The following CEP162 variants were observed in gnomAD, a reference collection of about 807,000 sequenced individuals.
CEP162 encodes the protein centrosomal protein of 162 kDa.
CEP162 carries 141 observed loss-of-function variants against 169.2 expected under a neutral mutation model. That is an observed-to-expected ratio of 0.83 (90% confidence interval 0.73 to 0.96). The LOEUF is 0.96. CEP162 is among the 40% of genes least tolerant of loss of function. CEP162 has a pLI of 0.00. For synonymous variants in CEP162, 540 were observed against 526.4 expected, an observed-to-expected ratio of 1.03 and a Z score of -0.35; for missense variants, 1,600 against 1,587.2, an observed-to-expected ratio of 1.01 and a Z score of -0.14.
In CEP162 at chr6:84,213,012, GT is replaced by G; in HGVS notation, c.515del (p.Asn172ThrfsTer4). On this transcript the variant is annotated frameshift_variant, in exon 6 of 27. Transcript: ENST00000403245. LOFTEE classifies it high-confidence loss of function. ...CATGTTCGTCATCAGTTAGTTCTGC[GT>G]TGGCTTGATTACTGGAAAAAATATT... ...HFKALHSNQANAELTDDEHEN... is the reference protein window; with the variant it reads ...HFKALHSNQAXAELTDDEHEN... 6.5e-7 allele frequency: 1 copy of G among 1,543,888 alleles called. No individual in the cohort carries two copies. The highest frequency in any genetic ancestry group is 8.8e-7 in the Non-Finnish European group (1 of 1,139,746).
Position 84,174,957 on chromosome 6 carries a change from T to G in CEP162, c.1798-3A>C, listed in dbSNP as rs779844543. The stretch of plus-strand genomic sequence containing the variant: ...TCACCACAGTATCCTAAGGAATCCT[T>G]TCAAGACAAAGCATTACTTCATTAC... On this transcript the variant is annotated splice_polypyrimidine_tract_variant and splice_region_variant and intron_variant, in intron 14 of 26. Coordinates refer to ENST00000403245, the MANE Select transcript of CEP162 (RefSeq NM_014895.4). The G allele has an allele frequency of 2.6e-5, 41 of 1,571,654 alleles. No individual in the cohort carries two copies. The South Asian group carries it at 4.7e-4, about 18-fold the overall frequency.
At chr6:84,151,552 CAA>C (rs942750777) in intron 23 of CEP162, among the ~76,000 whole-genome samples, 15 of 151,984 alleles carry the variant, frequency 9.9e-5, no homozygotes, top group African/African-American at 3.6e-4. Flanking sequence ...GCAAAGAGAA[CAA>C]GACTTTAAAA....
At chr6:84,179,732 A>G (rs2099533949) in intron 13 of CEP162, among the ~76,000 whole-genome samples, 1 of 152,188 alleles carries the variant, frequency 6.6e-6, no homozygotes, top group South Asian at 2.1e-4. Flanking sequence ...CAAATAAACT[A>G]GAAAATCTAG....
At chr6:84,215,974 G>A in intron 3 of CEP162, 52 bp from the exon 4 acceptor site, 1 of 1,465,610 alleles carries the variant, frequency 6.8e-7, no homozygotes, top group Non-Finnish European at 9.0e-7. Flanking sequence ...GAATTGTTTT[G>A]GCCACTATGA....
chr6:84,172,739 T>G (rs751916914), intron 16 of CEP162, among the ~76,000 whole-genome samples: 2 of 152,304 alleles, frequency 1.3e-5, no homozygotes, highest in Non-Finnish European at 2.9e-5. Context: ...ATTGTAATCA[T>G]TGATGGGGCA....
chr6:84,146,726 G>T lies in CEP162; in HGVS notation c.3831C>A (p.Leu1277=). 1.3e-6 allele frequency: 2 copies of T among 1,581,516 alleles called. No homozygotes were observed. Among genetic ancestry groups the T allele is most frequent in the Non-Finnish European group, 1.7e-6 (2 of 1,162,910 alleles). Residue 1277 remains leucine (L), a synonymous_variant, in exon 25 of 27, where the codon CTC becomes CTA. Coordinates refer to ENST00000403245, the MANE Select transcript of CEP162 (RefSeq NM_014895.4). ...TTTCTTCTCGAACTTCAGAAACTAC[G>T]AGAGACTCTTGTTTACTCTGCAGCT... ...VNELQSKQES[L]VVSEVREEIL...
intron 11 of CEP162, among the ~76,000 whole-genome samples, chr6:84,192,362 A>G (rs375080998): frequency 1.1e-4 from 16 of 152,380 alleles, no homozygotes; most frequent in African/African-American, 3.6e-4. Flanking sequence ...GGTTTTACCT[A>G]TAACAACAAA....
At chr6:84,172,625 C>G (rs954353812) in intron 16 of CEP162, among the ~76,000 whole-genome samples, 1 of 152,110 alleles carries the variant, frequency 6.6e-6, no homozygotes, top group African/African-American at 2.4e-5. Context: ...TTAAAAACCT[C>G]TGTTTTTTAA....
rs187394438 is a variant in CEP162 at position 84,129,482 on chromosome 6, T to A, written c.3871-2970A>T. On this transcript the variant is annotated intron_variant, in intron 25 of 26. Coordinates refer to ENST00000403245, the MANE Select transcript of CEP162 (RefSeq NM_014895.4). The stretch of plus-strand genomic sequence containing the variant: ...TATGTTTGTTGACTGCATAAATGTC[T>A]TCTTTTGAAAAGTGTCTGTCCATAT... 1.0e-3 allele frequency among the ~76,000 whole-genome samples: 156 copies of A among 152,370 alleles called. 1 individual carries two copies. The highest frequency in any genetic ancestry group is 3.7e-3 in the African/African-American group (152 of 41,586).
chr6:84,165,539 A>G (rs2099527484), intron 18 of CEP162, among the ~76,000 whole-genome samples: 1 of 152,154 alleles, frequency 6.6e-6, no homozygotes, highest in Admixed American at 6.6e-5. Context: ...TTCCTATGAC[A>G]CTGATTCATG....
intron 11 of CEP162, among the ~76,000 whole-genome samples, chr6:84,192,213 A>G (rs77818866): frequency 0.038 from 5,769 of 152,286 alleles, 165 homozygotes; most frequent in Admixed American, 0.092. Flanking sequence ...GTTTACCAAA[A>G]AATTTTTAGG....
chr6:84,146,636 G>T (rs1235832270), intron 25 of CEP162, 51 bp downstream of exon 25: 3 of 787,364 alleles, frequency 3.8e-6, no homozygotes, highest in Non-Finnish European at 6.1e-6. Context: ...GAATATGATT[G>T]AAATGCCTAA....
chr6:84,215,876 A>G lies in CEP162; in HGVS notation c.219T>C (p.Ser73=), dbSNP rs1222820874. The part of the protein sequence containing the change: ...NVSYLKTKKT[S]QPVMEIEEES... ...CCTCTTCTATTTCCATAACAGGCTG[A>G]GAAGTCTTCTTTGTTTTCAAATAGC... The change falls in exon 4 of 27, where the codon TCT becomes TCC. Residue 73 remains serine, a synonymous_variant. Transcript: ENST00000403245. The G allele has an allele frequency of 6.3e-7, 1 of 1,579,588 alleles. No individual in the cohort carries two copies. Among genetic ancestry groups the G allele is most frequent in the South Asian group, 1.2e-5 (1 of 86,336 alleles).
rs750414250 is a variant in CEP162, at chr6:84,194,834, T to C, written c.1027+50A>G. 4.7e-6 allele frequency: 6 copies of C among 1,289,728 alleles called. No individual in the cohort carries two copies. The Admixed American group carries it at 1.3e-4, about 27-fold the overall frequency. The allele number at this position is 1,289,728 out of a possible 1,614,324, so 79.9% of individuals were successfully genotyped here. ...ATTTTAATTATATTACACTAAAAAC[T>C]CTTTAGAAAGGATATCAAATAATTG... is the stretch of plus-strand genomic sequence containing the variant. On this transcript the variant is annotated intron_variant, in intron 10 of 26. Coordinates refer to ENST00000403245, the MANE Select transcript of CEP162 (RefSeq NM_014895.4).
intron 6 of CEP162, among the ~76,000 whole-genome samples, chr6:84,205,283 AT>A (rs2099546384): frequency 6.6e-6 from 1 of 152,250 alleles, no homozygotes. Flanking sequence ...AAAAAAGAGA[AT>A]TTTAGACCAA....
rs1414649545 is a variant in CEP162, at chr6:84,226,366, C to A, written c.28G>T (p.Asp10Tyr). The change falls in exon 2 of 27, where the codon GAT becomes TAT. Residue 10 changes from aspartate (D) to tyrosine (Y), a missense_variant. Coordinates refer to ENST00000403245, the MANE Select transcript of CEP162 (RefSeq NM_014895.4). Reference protein sequence around the residue: MANCSQEELDEEFEQFMKEL... With the variant: MANCSQEELYEEFEQFMKEL... ...TTCATAAACTGTTCAAACTCTTCATCTAGCTCTTCTTGGGAACAGTTAGCC... is the reference window on the plus strand; with the variant it reads ...TTCATAAACTGTTCAAACTCTTCATATAGCTCTTCTTGGGAACAGTTAGCC... 1.9e-6 allele frequency: 3 copies of A among 1,567,906 alleles called. No homozygotes were observed. The highest frequency in any genetic ancestry group is 2.6e-6 in the Non-Finnish European group (3 of 1,153,722).
chr6:84,154,027 T>C (rs970293920), intron 22 of CEP162, among the ~76,000 whole-genome samples: 1 of 151,830 alleles, frequency 6.6e-6, no homozygotes, highest in Non-Finnish European at 1.5e-5. Flanking sequence ...TTAGGTGGAG[T>C]CAGGGATGTT....
At chr6:84,159,547 A>ATATTTTTTTTT (rs2099524779) in intron 21 of CEP162, among the ~76,000 whole-genome samples, 2 of 31,956 alleles carry the variant, frequency 6.3e-5, no homozygotes, top group African/African-American at 1.4e-4. Context: ...ATATATATAT[A>ATATTTTTTTTT]TTTTTTTTTT....
In CEP162 at chr6:84,174,899, C is replaced by T. The variant is rs772619900; in HGVS notation, c.1853G>A (p.Arg618Lys). 2 of 1,573,824 alleles carry T rather than the reference C, an allele frequency of 1.3e-6. No individual in the cohort carries two copies. The highest frequency in any genetic ancestry group is 2.7e-5 in the African/African-American group (2 of 73,902). ...NKEKKLLMFK[R>K]VQEAEDKWRG... is the part of the protein sequence containing the mutation. ...CCATTTATCCTCTGCTTCCTGAACT[C>T]TTTTAAACATAAGTAATTTCTTCTC... The change falls in exon 15 of 27, where the codon AGA becomes AAA. Residue 618 changes from arginine (R) to lysine (K), a missense_variant. By Grantham distance (26) the Arg-to-Lys change is conservative. Coordinates refer to ENST00000403245, the MANE Select transcript of CEP162 (RefSeq NM_014895.4).
Sources: allele counts gnomAD v4.1 joint callset (sites outside exome capture counted in the v4.1 genomes callset), GRCh38; gene constraint gnomAD v4.1.1; transcripts MANE v1.5; gene names NCBI Gene and HGNC (gene_info 2026-07-23, HGNC 2026-07-21).